RBFOX3: variants seen among roughly 807,000 people sequenced by gnomAD.
RBFOX3 encodes RNA binding protein fox-1 homolog 3.
Under a neutral mutation model 48.7 loss-of-function variants are expected in RBFOX3, and 17 were observed. That is an observed-to-expected ratio of 0.35 (90% CI 0.24 to 0.52). The LOEUF (loss-of-function observed/expected upper bound fraction) is 0.52, where lower values mean the gene tolerates loss of function less well. RBFOX3 is among the 20% of genes least tolerant of loss of function. RBFOX3 has a pLI of 0.94. For synonymous variants in RBFOX3, 212 were observed against 209.5 expected (o/e 1.01, Z -0.10); for missense variants, 382 against 497.5 (o/e 0.77, Z 2.21).
rs1338637334 is a variant in RBFOX3, at chr17:79,392,086, G to A, written c.-174-84262C>T. On this transcript the variant is annotated intron_variant, in intron 2 of 14. Transcript: ENST00000693108. This position sits in a 1 kb window ranked among gnomAD's most constrained non-coding sequence, Gnocchi z 5.0. ...CATAGTGCCCGGGCACTTCGGACCC[G>A]CTGCGGGACCTTGGGCAAACTCTTT... 6.6e-6 allele frequency among the ~76,000 whole-genome samples: 1 copy of A among 152,168 alleles called. No individual in the cohort carries two copies. The highest frequency in any genetic ancestry group is 1.5e-5 in the Non-Finnish European group (1 of 68,032).
In RBFOX3 at chr17:79,249,797, A is replaced by G. The variant is rs1219955221; in HGVS notation, c.-73-13992T>C. ...ACCTCCCTGTGTGTCCCTGATGCCG[A>G]GTTCCCTGTCTCTAGGGATCTGTCC... On this transcript the variant is annotated intron_variant, in intron 3 of 14. Coordinates refer to ENST00000693108, the MANE Select transcript of RBFOX3 (RefSeq NM_001350451.2). This position sits in a 1 kb window ranked among gnomAD's most constrained non-coding sequence, Gnocchi z 4.1. Among the ~76,000 whole-genome samples, 3 of 152,000 alleles carry G rather than the reference A, an allele frequency of 2.0e-5. No homozygotes were observed. Among genetic ancestry groups the G allele is most frequent in the Non-Finnish European group, 4.4e-5 (3 of 68,024 alleles).
chr17:79,645,997 C>T, the RBFOX3 span, among the ~76,000 whole-genome samples: 1 of 152,190 alleles, frequency 6.6e-6, no homozygotes, highest in Admixed American at 6.5e-5. Flanking sequence ...CACCTCTCTC[C>T]CCACTCTCTC....
the RBFOX3 span, among the ~76,000 whole-genome samples, chr17:79,636,892 A>C: frequency 6.6e-6 from 1 of 152,224 alleles, no homozygotes; most frequent in African/African-American, 2.4e-5. Flanking sequence ...TAAAAAAAAC[A>C]AGATTCAACA....
rs144298710 is a variant in RBFOX3, at chr17:79,312,205, G to A, written c.-174-4381C>T. Among the ~76,000 whole-genome samples the A allele has an allele frequency of 2.8e-4, 42 of 151,812 alleles. No individual in the cohort carries two copies. The East Asian group carries it at 6.2e-3, about 22-fold the overall frequency. On this transcript the variant is annotated intron_variant, in intron 2 of 14. Coordinates refer to ENST00000693108, the MANE Select transcript of RBFOX3 (RefSeq NM_001350451.2). ...AGCCTCCAGGAATTAGGCACACCAGGAGAAGTTTCAGGAGACAAAGAAGAG... is the reference window on the plus strand; with the variant it reads ...AGCCTCCAGGAATTAGGCACACCAGAAGAAGTTTCAGGAGACAAAGAAGAG...
intron 2 of RBFOX3, among the ~76,000 whole-genome samples, chr17:79,322,522 G>A (rs765373234): frequency 4.6e-5 from 7 of 152,208 alleles, no homozygotes; most frequent in Non-Finnish European, 8.8e-5. Flanking sequence ...GCAGAGCTGA[G>A]GACCTGGCTG....
rs62063963 is a variant in RBFOX3, at chr17:79,362,475, C to T, written c.-174-54651G>A. The stretch of plus-strand genomic sequence containing the variant: ...GGGTGGCGGTGGGCGTGGAAGGCCA[C>T]CTGCGCTGGGCCTGGATGGCACTAG... On this transcript the variant is annotated intron_variant, in intron 2 of 14. Transcript: ENST00000693108. This position sits in a 1 kb window ranked among gnomAD's most constrained non-coding sequence, Gnocchi z 4.2. 0.13 allele frequency among the ~76,000 whole-genome samples: 19,417 copies of T among 152,062 alleles called. 1,746 individuals are homozygous for T. Among genetic ancestry groups the T allele is most frequent in the Non-Finnish European group, 0.2 (13,312 of 67,916 alleles).
chr17:79,241,711 G>A lies in RBFOX3; in HGVS notation c.-73-5906C>T, dbSNP rs1600179859. On this transcript the variant is annotated intron_variant, in intron 3 of 14. Coordinates refer to ENST00000693108, the MANE Select transcript of RBFOX3 (RefSeq NM_001350451.2). ...CAGAAATGTATTTCTCCCAGTTCTG[G>A]AGGCTGGAAGTCTGTGATTAGGGAG... Among the ~76,000 whole-genome samples the A allele has an allele frequency of 3.3e-5, 5 of 152,206 alleles. No individual in the cohort carries two copies. In the South Asian group the frequency reaches 1.0e-3, roughly 31 times the overall value.
At chr17:79,266,817 G>C (rs2143322354) in intron 3 of RBFOX3, among the ~76,000 whole-genome samples, 1 of 152,058 alleles carries the variant, frequency 6.6e-6, no homozygotes, top group Non-Finnish European at 1.5e-5. Context: ...AAGTGTGGTG[G>C]AGCTTCCTGC....
At chr17:79,125,715 G>A (rs903284852) in intron 4 of RBFOX3, among the ~76,000 whole-genome samples, 1 of 152,228 alleles carries the variant, frequency 6.6e-6, no homozygotes, top group Non-Finnish European at 1.5e-5. Flanking sequence ...GACGGCTCCC[G>A]CCTGCGGGAA....
In RBFOX3 at chr17:79,594,540, G is replaced by A. The variant is rs1441186255; in HGVS notation, c.-320+16286C>T. Among the ~76,000 whole-genome samples the A allele has an allele frequency of 2.2e-4, 34 of 152,260 alleles. No individual in the cohort carries two copies. In the East Asian group the frequency reaches 5.6e-3, roughly 25 times the overall value. ...GGGCCTAAATCCGGCTGTGCAGCCCGGCCCCTGCGCAGGGAGGACTCGAGC... is the reference window on the plus strand; with the variant it reads ...GGGCCTAAATCCGGCTGTGCAGCCCAGCCCCTGCGCAGGGAGGACTCGAGC... On this transcript the variant is annotated intron_variant, in intron 1 of 14. Coordinates refer to ENST00000693108, the MANE Select transcript of RBFOX3 (RefSeq NM_001350451.2).
chr17:79,164,936 C>T lies in RBFOX3; in HGVS notation c.-33-49188G>A, dbSNP rs971034705. 3.9e-5 allele frequency among the ~76,000 whole-genome samples: 6 copies of T among 152,244 alleles called. No individual in the cohort carries two copies. The South Asian group carries it at 1.2e-3, about 31-fold the overall frequency. ...GGACCCAGCGTTTCACTCATCTTTC[C>T]ACCCTTAGTGCCGGGAAGAAAATGA... On this transcript the variant is annotated intron_variant, in intron 4 of 14. Coordinates refer to ENST00000693108, the MANE Select transcript of RBFOX3 (RefSeq NM_001350451.2).
intron 2 of RBFOX3, among the ~76,000 whole-genome samples, chr17:79,404,783 C>T (rs1242520480): frequency 6.6e-6 from 1 of 152,224 alleles, no homozygotes; most frequent in African/African-American, 2.4e-5. Flanking sequence ...GGCCATTCAC[C>T]TGTCCATCTC....
intron 2 of RBFOX3, among the ~76,000 whole-genome samples, chr17:79,346,531 T>C (rs963134684): frequency 2.0e-5 from 3 of 152,348 alleles, no homozygotes; most frequent in Non-Finnish European, 4.4e-5. Context: ...AGATATGCGA[T>C]AGGAGAAGTA....
At chr17:79,611,163 T>TCG (rs1568454594), upstream of RBFOX3, among the ~76,000 whole-genome samples, 2 of 24,018 alleles carry the variant, frequency 8.3e-5, no homozygotes, top group Admixed American at 5.4e-4. Flanking sequence ...TCTCTCTCTC[T>TCG]CTCTCTCTCT....
intron 3 of RBFOX3, among the ~76,000 whole-genome samples, chr17:79,294,597 G>A (rs942338654): frequency 2.6e-5 from 4 of 152,172 alleles, no homozygotes; most frequent in Non-Finnish European, 2.9e-5. Context: ...ACCACGCCCC[G>A]CTAGATACCT....
At chr17:79,620,472 TGCACACACGCACGTGCACACACGC>T in the RBFOX3 span, among the ~76,000 whole-genome samples, 11 of 130,344 alleles carry the variant, frequency 8.4e-5, no homozygotes, top group African/African-American at 3.3e-4. Flanking sequence ...CATGCACACG[TGCACACACGCACGTGCACACACGC>T]GCACACACAT....
intron 3 of RBFOX3, among the ~76,000 whole-genome samples, chr17:79,300,747 A>T (rs2075181218): frequency 6.6e-6 from 1 of 152,074 alleles, no homozygotes; most frequent in African/African-American, 2.4e-5. Context: ...ACGTTTCGAG[A>T]CTCTGGGGGA....
rs779548857 is a variant in RBFOX3, at chr17:79,137,082, G to A, written c.-33-21334C>T. Among the ~76,000 whole-genome samples the A allele has an allele frequency of 9.7e-4, 147 of 152,224 alleles. 1 individual carries two copies. The highest frequency in any genetic ancestry group is 1.7e-3 in the Non-Finnish European group (118 of 67,994). On this transcript the variant is annotated intron_variant, in intron 4 of 14. Coordinates refer to ENST00000693108, the MANE Select transcript of RBFOX3 (RefSeq NM_001350451.2). The stretch of plus-strand genomic sequence containing the variant: ...GGCTCGAGATCTTCCCTTCACCAGA[G>A]GCACCCCTGTTTGGGTTCTGAACCC...
At chr17:79,309,290 G>A (rs965984151) in intron 2 of RBFOX3, among the ~76,000 whole-genome samples, 1 of 152,010 alleles carries the variant, frequency 6.6e-6, no homozygotes, top group African/African-American at 2.4e-5. Flanking sequence ...CATGATTGGG[G>A]TCTCCGCTGA....
Sources: gnomAD v4.1 joint callset for allele counts (sites outside exome capture counted in the v4.1 genomes callset) on GRCh38, gnomAD v4.1.1 for gene constraint, Gnocchi (gnomAD v3.1) non-coding constraint, MANE v1.5 for transcripts, NCBI Gene and HGNC (gene_info 2026-07-23, HGNC 2026-07-21) for gene names.